DPYSL3: variants seen among roughly 807,000 people sequenced by gnomAD.
The protein encoded by DPYSL3 is dihydropyrimidinase-related protein 3.
Under a neutral mutation model 66.1 loss-of-function variants are expected in DPYSL3, and 16 were observed. The observed-to-expected ratio is 0.24, with a 90% CI of 0.16 to 0.37. DPYSL3 has a LOEUF of 0.37. Among genes scored for constraint, DPYSL3 ranks in the 10% least tolerant of loss-of-function variants. The probability of loss-of-function intolerance (pLI) is 1.00; values close to 1 mark genes in which losing one functional copy is unlikely to be tolerated. For synonymous variants in DPYSL3, 338 were observed against 345.1 expected (o/e 0.98, Z 0.23); for missense variants, 738 against 916.2 (o/e 0.81, Z 2.51).
chr5:147,400,612 C>A, intron 10 of DPYSL3, 80 bp downstream of exon 10: 1 of 1,541,034 alleles, frequency 6.5e-7, no homozygotes, highest in South Asian at 1.3e-5. Context: ...GTGTCACCAG[C>A]CCAACTGGTG....
chr5:147,393,774 C>T lies in DPYSL3; in HGVS notation c.*261G>A, dbSNP rs575533132. 26 of 483,486 alleles carry T rather than the reference C, an allele frequency of 5.4e-5. No individual in the cohort carries two copies. The highest frequency in any genetic ancestry group is 4.9e-4 in the African/African-American group (25 of 51,394). 29.9% of individuals were successfully genotyped at this position (483,486 alleles called of 1,614,324 possible). A position where few individuals can be genotyped will look rare whatever the true frequency, so the allele number is the denominator to read the frequency against. On this transcript the variant is annotated 3_prime_UTR_variant, in exon 14 of 14. Transcript: ENST00000343218. The stretch of plus-strand genomic sequence containing the variant: ...ACTATGATAGAGCAGACTCTTTTAC[C>T]TTAGTGGCCTGTCTGATTGCATGCA...
In DPYSL3 at chr5:147,449,787, C is replaced by T. The variant is rs140943201; in HGVS notation, c.382-24824G>A. Among the ~76,000 whole-genome samples, 783 of 152,300 alleles carry T rather than the reference C, an allele frequency of 5.1e-3. 4 individuals are homozygous for T. Among genetic ancestry groups the T allele is most frequent in the Non-Finnish European group, 8.2e-3 (560 of 68,022 alleles). ...GAACCTAAGTGCCTAAGTATTAGGACCTGGCCCATTCCTGTGGTCAGCTTC... is the reference window on the plus strand; with the variant it reads ...GAACCTAAGTGCCTAAGTATTAGGATCTGGCCCATTCCTGTGGTCAGCTTC... On this transcript the variant is annotated intron_variant, in intron 1 of 13. Transcript: ENST00000343218.
chr5:147,394,154 A>G (rs1026447922), intron 13 of DPYSL3, 31 bp from the exon 14 acceptor site: 22 of 1,610,354 alleles, frequency 1.4e-5, no homozygotes, highest in East Asian at 2.2e-5. Flanking sequence ...CCAGGGGGAA[A>G]AAAAAAACAG....
chr5:147,444,659 T>C (rs72833346), intron 1 of DPYSL3, among the ~76,000 whole-genome samples: 1,742 of 152,306 alleles, frequency 0.011, 21 homozygotes, highest in Admixed American at 0.019. Flanking sequence ...ATAAACTCTC[T>C]GGTTTGTACC....
At chr5:147,430,101 A>C (rs985538420) in intron 1 of DPYSL3, among the ~76,000 whole-genome samples, 2 of 152,072 alleles carry the variant, frequency 1.3e-5, no homozygotes, top group East Asian at 3.9e-4. Flanking sequence ...GAGAGGAACA[A>C]AGAAATGAAT....
In DPYSL3 at chr5:147,395,729, C is replaced by T. The variant is rs972586695; in HGVS notation, c.1804-8G>A. 6.2e-7 allele frequency: 1 copy of T among 1,613,376 alleles called. No homozygotes were observed. Among genetic ancestry groups the T allele is most frequent in the Admixed American group, 1.7e-5 (1 of 59,996 alleles). Reference sequence around the variant, plus strand: ...GGCATGCAGGTCTGCCATCTGCAGCCAGAGAAGAGCATGTCACCATTCATT... The same window carrying T: ...GGCATGCAGGTCTGCCATCTGCAGCTAGAGAAGAGCATGTCACCATTCATT... On this transcript the variant is annotated splice_region_variant and splice_polypyrimidine_tract_variant and intron_variant, in intron 12 of 13. Transcript: ENST00000343218.
At chr5:147,491,218 G>A (rs1009213555) in intron 1 of DPYSL3, among the ~76,000 whole-genome samples, 4 of 152,166 alleles carry the variant, frequency 2.6e-5, no homozygotes, top group Admixed American at 6.5e-5. Context: ...GCACAATACT[G>A]AGAAGCACTT....
At chr5:147,469,295 C>T (rs892353196) in intron 1 of DPYSL3, among the ~76,000 whole-genome samples, 12 of 152,198 alleles carry the variant, frequency 7.9e-5, no homozygotes, top group African/African-American at 2.7e-4. Flanking sequence ...CCACTTGTTG[C>T]CCTGATAGGG....
chr5:147,418,675 T>C, intron 2 of DPYSL3, 44 bp from the exon 3 acceptor site: 2 of 1,516,860 alleles, frequency 1.3e-6, no homozygotes, highest in Admixed American at 1.9e-5. Flanking sequence ...CACTTGGTCA[T>C]TTAAAAGTGC....
At chr5:147,444,137 C>T (rs1397544406) in intron 1 of DPYSL3, among the ~76,000 whole-genome samples, 1 of 152,004 alleles carries the variant, frequency 6.6e-6, no homozygotes, top group African/African-American at 2.4e-5. Flanking sequence ...GTTATTATCC[C>T]TCCGGAGGGA....
chr5:147,460,075 C>A (rs1752910210), intron 1 of DPYSL3, among the ~76,000 whole-genome samples: 1 of 151,656 alleles, frequency 6.6e-6, no homozygotes, highest in Admixed American at 6.6e-5. Context: ...CGAGCCACTG[C>A]ACTCCAGCCT....
In DPYSL3 at chr5:147,399,236, T is replaced by C. The variant is rs1350565597; in HGVS notation, c.1469A>G (p.Asp490Gly). 3.1e-6 allele frequency: 5 copies of C among 1,614,110 alleles called. No homozygotes were observed. Among genetic ancestry groups the C allele is most frequent in the Non-Finnish European group, 4.2e-6 (5 of 1,180,008 alleles). Reference protein sequence around the residue: ...WDKAVATGKMDENQFVAVTST... With the variant: ...WDKAVATGKMGENQFVAVTST... ...TGTCACAGCCACGAACTGGTTTTCG[T>C]CCATTTTCCCTGTGGCCTATTGAAA... The change falls in exon 11 of 14, where the codon GAC (aspartate) becomes GGC (glycine). Residue 490 changes from aspartate (D) to glycine (G), a missense_variant. Physicochemically the swap from Asp to Gly is moderately conservative, Grantham distance 94. Transcript: ENST00000343218.
At chr5:147,395,407 T>C in intron 13 of DPYSL3, 152 bp downstream of exon 13, 1 of 909,076 alleles carries the variant, frequency 1.1e-6, no homozygotes. Flanking sequence ...GGACCCTTCC[T>C]GCTTGCCCCA....
chr5:147,430,120 G>T (rs910935471), intron 1 of DPYSL3, among the ~76,000 whole-genome samples: 1 of 151,982 alleles, frequency 6.6e-6, no homozygotes, highest in Admixed American at 6.6e-5. Flanking sequence ...ATAAAGGAAG[G>T]AAGTAAAAAG....
In DPYSL3 at chr5:147,453,808, A is replaced by C. The variant is rs868210273; in HGVS notation, c.382-28845T>G. The C allele has an allele frequency of 1.5e-3, 1,542 of 1,000,968 alleles. 18 individuals carry two copies. The African/African-American group carries it at 0.054, about 35-fold the overall frequency. The allele number at this position is 1,000,968 out of a possible 1,614,324, so 62.0% of individuals were successfully genotyped here. A position where few individuals can be genotyped will look rare whatever the true frequency, so the allele number is the denominator to read the frequency against. On this transcript the variant is annotated intron_variant, in intron 1 of 13. Coordinates refer to ENST00000343218, the MANE Select transcript of DPYSL3 (RefSeq NM_001197294.2). ...GTCCCCCTTTCACCCCCGCCCCCCC[A>C]CGCACACCCTCCTCCACCCGCGTTC...
chr5:147,446,327 G>A (rs556794954), intron 1 of DPYSL3, among the ~76,000 whole-genome samples: 18 of 152,346 alleles, frequency 1.2e-4, no homozygotes, highest in South Asian at 8.3e-4. Flanking sequence ...TCCAGGGTTC[G>A]CTTCCTTATT....
rs1037437328 is a variant in DPYSL3, at chr5:147,509,206, G to C, written c.381+272C>G. Among the ~76,000 whole-genome samples, 3 of 152,312 alleles carry C rather than the reference G, an allele frequency of 2.0e-5. No individual in the cohort carries two copies. The highest frequency in any genetic ancestry group is 7.2e-5 in the African/African-American group (3 of 41,570). On this transcript the variant is annotated intron_variant, in intron 1 of 13. Coordinates refer to ENST00000343218, the MANE Select transcript of DPYSL3 (RefSeq NM_001197294.2). This position sits in a 1 kb window ranked among gnomAD's most constrained non-coding sequence, Gnocchi z 5.3. ...CCCAGACCGGATGGCCCAGGAGTGCGGCGAGGAGGCAGGGGCAAAGGACGC... is the reference window on the plus strand; with the variant it reads ...CCCAGACCGGATGGCCCAGGAGTGCCGCGAGGAGGCAGGGGCAAAGGACGC...
intron 1 of DPYSL3, among the ~76,000 whole-genome samples, chr5:147,477,887 T>A (rs1230434932): frequency 6.6e-6 from 1 of 151,646 alleles, no homozygotes; most frequent in Non-Finnish European, 1.5e-5. Context: ...CGGCCCTAAA[T>A]CTTTACTAAA....
At chr5:147,408,139 C>A (rs1357308412) in intron 7 of DPYSL3, among the ~76,000 whole-genome samples, 1 of 152,122 alleles carries the variant, frequency 6.6e-6, no homozygotes, top group African/African-American at 2.4e-5. Context: ...CTTCCAAAGC[C>A]AATGTGCTTT....
Sources: allele counts gnomAD v4.1 joint callset (sites outside exome capture counted in the v4.1 genomes callset), GRCh38; gene constraint gnomAD v4.1.1; non-coding constraint Gnocchi (gnomAD v3.1); transcripts MANE v1.5; gene names NCBI Gene and HGNC (gene_info 2026-07-23, HGNC 2026-07-21).